DAAM2: variants seen among roughly 807,000 people sequenced by gnomAD.
DAAM2 encodes dishevelled associated activator of morphogenesis 2.
A neutral mutation model predicts 120.7 loss-of-function variants in DAAM2; 39 were observed. That is an observed-to-expected ratio of 0.32 (90% CI 0.25 to 0.42). The LOEUF is 0.42. Among genes scored for constraint, DAAM2 ranks in the 10% least tolerant of loss-of-function variants. The pLI, the probability that DAAM2 is intolerant of heterozygous loss-of-function variation, is 1.00. For missense variants in DAAM2, 1,283 were observed against 1,401.7 expected (o/e 0.92, Z 1.35); for synonymous variants, 488 against 524.9 (o/e 0.93, Z 0.96).
At chr6:39,858,730 C>A (rs866461228) in intron 2 of DAAM2, among the ~76,000 whole-genome samples, 2 of 152,226 alleles carry the variant, frequency 1.3e-5, no homozygotes, top group Middle Eastern at 3.4e-3. Context: ...GTACTGGAGA[C>A]AGTGGGGCCC....
At chr6:39,847,005 G>C (rs1763621858) in intron 1 of DAAM2, among the ~76,000 whole-genome samples, 1 of 152,180 alleles carries the variant, frequency 6.6e-6, no homozygotes, top group South Asian at 2.1e-4. Flanking sequence ...ATCCCAGTCT[G>C]CCCTCCCTGA....
At chr6:39,812,339 C>G (rs546093727) in intron 1 of DAAM2, among the ~76,000 whole-genome samples, 64 of 152,332 alleles carry the variant, frequency 4.2e-4, no homozygotes, top group South Asian at 1.7e-3. Flanking sequence ...AACAGCTCTG[C>G]AAAGTGGGTA....
At chr6:39,881,083 T>TA (rs1278374281) in intron 14 of DAAM2, among the ~76,000 whole-genome samples, 1 of 152,260 alleles carries the variant, frequency 6.6e-6, no homozygotes, top group Non-Finnish European at 1.5e-5. Flanking sequence ...TGCACATCAA[T>TA]AATGAAGGAA....
intron 21 of DAAM2, among the ~76,000 whole-genome samples, chr6:39,898,184 G>A (rs1194345123): frequency 6.6e-6 from 1 of 152,240 alleles, no homozygotes; most frequent in Non-Finnish European, 1.5e-5. Context: ...CTGGGAAACA[G>A]TGTGGAATAG....
intron 1 of DAAM2, among the ~76,000 whole-genome samples, chr6:39,842,234 AAGAGCTCACGG>A (rs541309897): frequency 6.1e-4 from 93 of 152,302 alleles, no homozygotes; most frequent in African/African-American, 2.2e-3. Context: ...TTCCTTTAGG[AAGAGCTCACGG>A]AGGACTGAGG....
chr6:39,856,370 C>T lies in DAAM2; in HGVS notation c.68C>T (p.Pro23Leu). The T allele has an allele frequency of 6.4e-7, 1 of 1,553,794 alleles. No homozygotes were observed. ...FLCCFGGSDI[P>L]EINLRDNHPL... ...TGCTGCTTCGGGGGCAGTGACATCC[C>T]CGAAATCAACCTCCGGGACAACCAC... The change falls in exon 2 of 25, where the codon CCC becomes CTC. Residue 23 changes from proline (P) to leucine (L), a missense_variant. Pro to Leu is a moderately conservative substitution (Grantham distance 98). This residue lies in a region of DAAM2 where 197 missense variants were observed against 189.3 expected (regional missense o/e 1.04). Coordinates refer to ENST00000274867, the MANE Select transcript of DAAM2 (RefSeq NM_001201427.2).
Position 39,892,032 on chromosome 6 carries a change from C to T in DAAM2, c.2341+310C>T, listed in dbSNP as rs1258150658. 3.3e-5 allele frequency among the ~76,000 whole-genome samples: 5 copies of T among 152,186 alleles called. No homozygotes were observed. The South Asian group carries it at 6.2e-4, about 19-fold the overall frequency. On this transcript the variant is annotated intron_variant, in intron 19 of 24. Transcript: ENST00000274867. ...GTAGAAAAGATAATAATAGCCACACCTACAACAGTGCCTGGCTGGGACTGA... is the reference window on the plus strand; with the variant it reads ...GTAGAAAAGATAATAATAGCCACACTTACAACAGTGCCTGGCTGGGACTGA...
At chr6:39,873,462 C>A (rs1479601501) in intron 10 of DAAM2, 107 bp downstream of exon 10, 1 of 762,122 alleles carries the variant, frequency 1.3e-6, no homozygotes, top group Non-Finnish European at 2.3e-6. Context: ...CTGACCATGT[C>A]TCCCTGTGCA....
intron 1 of DAAM2, among the ~76,000 whole-genome samples, chr6:39,837,423 C>T (rs534236818): frequency 2.0e-5 from 3 of 152,028 alleles, no homozygotes; most frequent in East Asian, 1.9e-4. Context: ...CTGCTATTCT[C>T]GAACTCCTGA....
intron 19 of DAAM2, among the ~76,000 whole-genome samples, chr6:39,894,140 G>T (rs1765923633): frequency 1.3e-5 from 2 of 152,088 alleles, no homozygotes; most frequent in African/African-American, 4.8e-5. Context: ...ATATTCTTAT[G>T]AATATATTCA....
rs897073104 is a variant in DAAM2, at chr6:39,902,131, T to G, written c.*94T>G. On this transcript the variant is annotated 3_prime_UTR_variant, in exon 25 of 25. Coordinates refer to ENST00000274867, the MANE Select transcript of DAAM2 (RefSeq NM_001201427.2). ...TGGTGATATTTAAACCATTTGGTGCTTGGTTTAGAGCCTTGGGCTGGGTCC... is the reference window on the plus strand; with the variant it reads ...TGGTGATATTTAAACCATTTGGTGCGTGGTTTAGAGCCTTGGGCTGGGTCC... 9.5e-6 allele frequency: 11 copies of G among 1,156,870 alleles called. No homozygotes were observed. The Middle Eastern group carries it at 9.7e-4, about 102-fold the overall frequency. The allele number at this position is 1,156,870 out of a possible 1,614,324, so 71.7% of individuals were successfully genotyped here. A position where few individuals can be genotyped will look rare whatever the true frequency, so the allele number is the denominator to read the frequency against.
rs948004485 is a variant in DAAM2, at chr6:39,878,665, G to A, written c.1545+77G>A. 22 of 1,454,850 alleles carry A rather than the reference G, an allele frequency of 1.5e-5. No individual in the cohort carries two copies. In the Admixed American group the frequency reaches 2.2e-4, roughly 14 times the overall value. The allele number at this position is 1,454,850 out of a possible 1,614,324, so 90.1% of individuals were successfully genotyped here. ...GGACTGGGTGGGCAGAGCAGGTGTC[G>A]GAGAGGCCAAGGACCCCAGCATGAG... On this transcript the variant is annotated intron_variant, in intron 13 of 24. Coordinates refer to ENST00000274867, the MANE Select transcript of DAAM2 (RefSeq NM_001201427.2). This position sits in a 1 kb window ranked among gnomAD's most constrained non-coding sequence, Gnocchi z 5.0.
intron 1 of DAAM2, among the ~76,000 whole-genome samples, chr6:39,826,630 GC>G (rs1762684176): frequency 1.3e-5 from 2 of 152,076 alleles, no homozygotes; most frequent in African/African-American, 4.8e-5. Context: ...TAGTTTGTTT[GC>G]TTTTCTCCTT....
chr6:39,885,171 G>A (rs889388682), intron 15 of DAAM2: 5 of 152,238 alleles, frequency 3.3e-5, no homozygotes, highest in African/African-American at 1.2e-4. Flanking sequence ...CCTGATCTGT[G>A]GATGACTGAG....
Position 39,901,722 on chromosome 6 carries a change from A to G in DAAM2, c.2983-91A>G. ...ACAGATACAGGCAGGCAGCATGACCATGGCCTAGGAGTTAGCCCAGGGTTG... is the reference window on the plus strand; with the variant it reads ...ACAGATACAGGCAGGCAGCATGACCGTGGCCTAGGAGTTAGCCCAGGGTTG... On this transcript the variant is annotated intron_variant, in intron 24 of 24. Coordinates refer to ENST00000274867, the MANE Select transcript of DAAM2 (RefSeq NM_001201427.2). This position sits in a 1 kb window ranked among gnomAD's most constrained non-coding sequence, Gnocchi z 4.5. 1 of 1,241,100 alleles carries G rather than the reference A, an allele frequency of 8.1e-7. No individual in the cohort carries two copies. The highest frequency in any genetic ancestry group is 1.1e-6 in the Non-Finnish European group (1 of 919,048). 76.9% of individuals were successfully genotyped at this position (1,241,100 alleles called of 1,614,324 possible).
chr6:39,801,698 A>G (rs1327550967), intron 1 of DAAM2, among the ~76,000 whole-genome samples: 1 of 152,174 alleles, frequency 6.6e-6, no homozygotes, highest in East Asian at 1.9e-4. Context: ...GGTTATGTAC[A>G]CCCATTGTCC....
intron 5 of DAAM2, chr6:39,867,252 G>A: frequency 2.1e-6 from 1 of 481,842 alleles, no homozygotes; most frequent in Non-Finnish European, 3.8e-6. Context: ...ATCATGTGAA[G>A]AGGACTTCAC....
At chr6:39,850,608 A>G (rs971704209) in intron 1 of DAAM2, among the ~76,000 whole-genome samples, 2 of 152,174 alleles carry the variant, frequency 1.3e-5, no homozygotes, top group African/African-American at 4.8e-5. Flanking sequence ...TAGCCCTTTC[A>G]CTTCTAAAAC....
At chr6:39,893,024 T>G (rs569355919) in intron 19 of DAAM2, among the ~76,000 whole-genome samples, 2 of 152,344 alleles carry the variant, frequency 1.3e-5, no homozygotes, top group Admixed American at 1.3e-4. Flanking sequence ...CAACTTTCTT[T>G]CATCCTGCTG....
Sources: gnomAD v4.1 joint callset for allele counts (sites outside exome capture counted in the v4.1 genomes callset) on GRCh38, gnomAD v4.1.1 for gene constraint, gnomAD v4.1.1 regional missense constraint, Gnocchi (gnomAD v3.1) non-coding constraint, MANE v1.5 for transcripts, NCBI Gene and HGNC (gene_info 2026-07-23, HGNC 2026-07-21) for gene names.